SEPTIN8: variants seen among roughly 807,000 people sequenced by gnomAD.
The protein encoded by SEPTIN8 is septin-8.
In SEPTIN8, 22 loss-of-function variants were observed where a neutral mutation model predicts 53.1. The observed-to-expected ratio is 0.41, with a 90% CI of 0.30 to 0.59. The LOEUF is 0.59. SEPTIN8 is among the 20% of genes least tolerant of loss of function. The pLI, the probability that SEPTIN8 is intolerant of heterozygous loss-of-function variation, is 0.24. For missense variants in SEPTIN8, 536 were observed against 638.7 expected, an observed-to-expected ratio of 0.84 and a Z score of 1.73; for synonymous variants, 228 against 248.4, an observed-to-expected ratio of 0.92 and a Z score of 0.77.
intron 9 of SEPTIN8, chr5:132,754,470 A>G (rs1338301998): frequency 2.8e-6 from 2 of 717,510 alleles, no homozygotes; most frequent in Non-Finnish European, 5.2e-6. Context: ...CTGCTTAACC[A>G]GGTGGCTATG....
At chr5:132,755,645 C>G (rs1241523330) in intron 9 of SEPTIN8, among the ~76,000 whole-genome samples, 1 of 152,136 alleles carries the variant, frequency 6.6e-6, no homozygotes, top group African/African-American at 2.4e-5. Flanking sequence ...TCCTGGCACT[C>G]GAATATTAGT....
chr5:132,774,734 C>T (rs971670927), intron 1 of SEPTIN8, among the ~76,000 whole-genome samples: 2 of 152,192 alleles, frequency 1.3e-5, no homozygotes, highest in Non-Finnish European at 2.9e-5. Flanking sequence ...GCTAGACTGA[C>T]CACTGAGCTG....
chr5:132,758,183 T>C (rs1755520738), intron 9 of SEPTIN8: 1 of 1,107,434 alleles, frequency 9.0e-7, no homozygotes, highest in Non-Finnish European at 1.1e-6. Flanking sequence ...TCCCTGTATA[T>C]GATAGGCATA....
At chr5:132,752,983 C>G in intron 9 of SEPTIN8, 1 of 1,600,312 alleles carries the variant, frequency 6.2e-7, no homozygotes, top group Middle Eastern at 1.7e-4. Flanking sequence ...CCTCTGCCTC[C>G]ACCCCGGGGC....
intron 9 of SEPTIN8, chr5:132,753,387 C>G (rs1755030263): frequency 5.4e-6 from 1 of 184,428 alleles, no homozygotes. Context: ...TCTTGCTGCT[C>G]TACCTGCCAG....
chr5:132,770,666 C>G (rs1432139239), intron 1 of SEPTIN8, among the ~76,000 whole-genome samples: 1 of 152,204 alleles, frequency 6.6e-6, no homozygotes, highest in Non-Finnish European at 1.5e-5. Context: ...GCTCCATTCT[C>G]AAGTCAGGAA....
At position 132,753,117 on chromosome 5, in the gene SEPTIN8, C is replaced by T. The variant is rs1755006725; in HGVS notation, c.1287-936G>A. 3 of 655,870 alleles carry T rather than the reference C, an allele frequency of 4.6e-6. No individual in the cohort carries two copies. In the South Asian group the frequency reaches 5.7e-5, roughly 13 times the overall value. 40.6% of individuals were successfully genotyped at this position (655,870 alleles called of 1,614,324 possible). On this transcript the variant is annotated intron_variant, in intron 9 of 9. Transcript: ENST00000378719. ...CTGAGAAAAAGTTCCCAACTGAGCC[C>T]TTGGAAAAAAAATAAAGGGGAGAGG...
intron 1 of SEPTIN8, among the ~76,000 whole-genome samples, chr5:132,771,677 C>T (rs1757331881): frequency 6.6e-6 from 1 of 152,330 alleles, no homozygotes; most frequent in East Asian, 1.9e-4. Flanking sequence ...TCCAGCTCCT[C>T]CCAGGAGCCT....
Position 132,763,801 on chromosome 5 carries a change from C to T in SEPTIN8, c.439G>A (p.Asp147Asn), listed in dbSNP as rs1381307497. 1.2e-6 allele frequency: 2 copies of T among 1,612,814 alleles called. No individual in the cohort carries two copies. The highest frequency in any genetic ancestry group is 4.5e-5 in the East Asian group (2 of 44,900). Residue 147 changes from aspartate to asparagine, a missense_variant, in exon 4 of 10, where the codon GAC (aspartate) becomes AAC (asparagine). Transcript: ENST00000378719. Reference protein sequence around the residue: ...KIRRSLFDYHDTRIHVCLYFI... With the variant: ...KIRRSLFDYHNTRIHVCLYFI... The stretch of plus-strand genomic sequence containing the variant: ...TAGAGGCAAACGTGGATCCTTGTGT[C>T]ATGGTAGTCGAAGAGCGAGCGGCGG...
rs199626512 is a variant in SEPTIN8 at position 132,761,529 on chromosome 5, G to A, written c.891C>T (p.Tyr297=). The A allele has an allele frequency of 9.3e-6, 15 of 1,613,850 alleles. No homozygotes were observed. Among genetic ancestry groups the A allele is most frequent in the East Asian group, 4.5e-5 (2 of 44,886 alleles). The change falls in exon 7 of 10, where the codon TAC becomes TAT. Residue 297 remains tyrosine, a synonymous_variant. Coordinates refer to ENST00000378719, the MANE Select transcript of SEPTIN8 (RefSeq NM_001098811.2). The surrounding 1 kb of genome is among the most constrained non-coding windows in gnomAD (Gnocchi z 5.8). ...CCAACTTGCAGCGCCGGTAGAGCTC[G>A]TAGTGCCGGCTGTGGGTCTGCTCGC... ...DLREQTHSRH[Y]ELYRRCKLEE...
Position 132,754,946 on chromosome 5 carries a change from C to T in SEPTIN8, c.1287-2765G>A, listed in dbSNP as rs138293072. ...TAGGTGGGCTCAGGGAGGAACAGGG[C>T]AGGGGGAGCATCATAGACCTGTCTT... On this transcript the variant is annotated intron_variant, in intron 9 of 9. Coordinates refer to ENST00000378719, the MANE Select transcript of SEPTIN8 (RefSeq NM_001098811.2). Among the ~76,000 whole-genome samples the T allele has an allele frequency of 4.7e-3, 717 of 152,258 alleles. 6 individuals are homozygous for T. Among genetic ancestry groups the T allele is most frequent in the African/African-American group, 0.016 (655 of 41,522 alleles).
chr5:132,758,991 A>AG, intron 9 of SEPTIN8: 1 of 760,424 alleles, frequency 1.3e-6, no homozygotes, highest in Non-Finnish European at 2.4e-6. Context: ...GTGGTGTCCC[A>AG]GGCTAAGGGT....
At chr5:132,769,681 G>A (rs1756971828) in intron 1 of SEPTIN8, among the ~76,000 whole-genome samples, 1 of 151,912 alleles carries the variant, frequency 6.6e-6, no homozygotes, top group Non-Finnish European at 1.5e-5. Context: ...TGTGTAATTT[G>A]CCCAAGACCA....
At chr5:132,775,347 AG>A (rs1561777212) in intron 1 of SEPTIN8, among the ~76,000 whole-genome samples, 1 of 152,148 alleles carries the variant, frequency 6.6e-6, no homozygotes, top group Admixed American at 6.5e-5. Flanking sequence ...CTTCTTACAT[AG>A]GGGGCCAGTC....
chr5:132,778,153 A>G (rs1454846909), upstream of SEPTIN8: 1 of 852,486 alleles, frequency 1.2e-6, no homozygotes, highest in African/African-American at 1.8e-5. Flanking sequence ...GCAGCTCCCA[A>G]ATCCTCTGAA....
chr5:132,764,504 G>A, intron 2 of SEPTIN8, 85 bp from the exon 3 acceptor site: 1 of 1,166,878 alleles, frequency 8.6e-7, no homozygotes, highest in South Asian at 1.5e-5. Flanking sequence ...GCCAGGCAGG[G>A]CTCAGGCATC....
chr5:132,768,999 G>A (rs146811387), intron 1 of SEPTIN8, among the ~76,000 whole-genome samples: 209 of 152,318 alleles, frequency 1.4e-3, no homozygotes, highest in African/African-American at 3.8e-3. Context: ...GGGAGAAAGC[G>A]AGGAGAGCCA....
At position 132,751,062 on chromosome 5, in the gene SEPTIN8, C is replaced by T; in HGVS notation, c.*954G>A. 1 of 1,579,752 alleles carries T rather than the reference C, an allele frequency of 6.3e-7. No individual in the cohort carries two copies. The highest frequency in any genetic ancestry group is 8.6e-7 in the Non-Finnish European group (1 of 1,160,526). On this transcript the variant is annotated 3_prime_UTR_variant, in exon 10 of 10. Coordinates refer to ENST00000378719, the MANE Select transcript of SEPTIN8 (RefSeq NM_001098811.2). Reference sequence around the variant, plus strand: ...TTTGTGCCTTTGGAACAGCTGTTTACAACATGGGATGGCAAAGCACAGGCG... The same window carrying T: ...TTTGTGCCTTTGGAACAGCTGTTTATAACATGGGATGGCAAAGCACAGGCG...
rs114662141 is a variant in SEPTIN8, at chr5:132,759,230, G to A, written c.1286+1572C>T. Among the ~76,000 whole-genome samples, 604 of 152,286 alleles carry A rather than the reference G, an allele frequency of 4.0e-3. 4 individuals carry two copies. The highest frequency in any genetic ancestry group is 0.013 in the African/African-American group (547 of 41,540). On this transcript the variant is annotated intron_variant, in intron 9 of 9. Transcript: ENST00000378719. ...CCTCCACAGAGCCGTCATGGGAAGA[G>A]CGTTTTCTCTCCCAGGGACCAAACT...
Sources: gnomAD v4.1 joint callset for allele counts (sites outside exome capture counted in the v4.1 genomes callset) on GRCh38, gnomAD v4.1.1 for gene constraint, Gnocchi (gnomAD v3.1) non-coding constraint, MANE v1.5 for transcripts, NCBI Gene and HGNC (gene_info 2026-07-23, HGNC 2026-07-21) for gene names.